The following ROPN1L variants were observed in gnomAD, a reference collection of about 807,000 sequenced individuals.
ROPN1L encodes the protein rhophilin associated tail protein 1 like, also known as ropporin-1-like protein.
A neutral mutation model predicts 22.7 loss-of-function variants in ROPN1L; 23 were observed. The observed-to-expected ratio is 1.01, with a 90% confidence interval of 0.73 to 1.43. The LOEUF (loss-of-function observed/expected upper bound fraction) is 1.43. ROPN1L is among the 40% of genes most tolerant of loss of function. ROPN1L has a pLI of 0.00. For missense variants in ROPN1L, 271 were observed against 291.5 expected, an observed-to-expected ratio of 0.93 and a Z score of 0.51; for synonymous variants, 116 against 117.8, an observed-to-expected ratio of 0.98 and a Z score of 0.10.
At chr5:10,478,867 G>T in the ROPN1L span, among the ~76,000 whole-genome samples, 1 of 152,150 alleles carries the variant, frequency 6.6e-6, no homozygotes, top group Non-Finnish European at 1.5e-5. Context: ...ACTTATCTCA[G>T]GAGCGGGAAA....
downstream of ROPN1L, among the ~76,000 whole-genome samples, chr5:10,476,795 A>G (rs1027036609): frequency 7.2e-5 from 11 of 152,384 alleles, no homozygotes; most frequent in African/African-American, 2.6e-4. Flanking sequence ...TAATGTATCT[A>G]ATTCTCACAA....
chr5:10,455,929 G>A (rs1361116716), intron 3 of ROPN1L, among the ~76,000 whole-genome samples: 1 of 148,664 alleles, frequency 6.7e-6, no homozygotes, highest in African/African-American at 2.5e-5. Context: ...TGCCTCAGAG[G>A]GGGACCTCCT....
chr5:10,465,806 C>T (rs1181173231), downstream of ROPN1L, among the ~76,000 whole-genome samples: 4 of 152,114 alleles, frequency 2.6e-5, no homozygotes, highest in Non-Finnish European at 5.9e-5. Flanking sequence ...GAGCCGAGAT[C>T]GCGCCACTGC....
At chr5:10,477,775 C>T in the ROPN1L span, among the ~76,000 whole-genome samples, 2 of 151,970 alleles carry the variant, frequency 1.3e-5, no homozygotes, top group African/African-American at 4.8e-5. Flanking sequence ...ACTAAAAATA[C>T]AAAAATTAGC....
chr5:10,462,259 G>A (rs79042067), intron 4 of ROPN1L, among the ~76,000 whole-genome samples: 4,722 of 152,298 alleles, frequency 0.031, 93 homozygotes, highest in Non-Finnish European at 0.045. Flanking sequence ...TGCCAGGAGC[G>A]GGGGTTGAAG....
At chr5:10,467,962 C>A (rs1182303179), downstream of ROPN1L, among the ~76,000 whole-genome samples, 1 of 152,216 alleles carries the variant, frequency 6.6e-6, no homozygotes, top group Non-Finnish European at 1.5e-5. Flanking sequence ...GCACCCAGGT[C>A]CCGTCCCCTG....
Position 10,465,017 on chromosome 5 carries a change from C to A in ROPN1L, c.*70C>A. The stretch of plus-strand genomic sequence containing the variant: ...ATTCTGGCACCAAATACAACTTACC[C>A]TGAATCACACACCTCTGTAGTGTGA... On this transcript the variant is annotated 3_prime_UTR_variant, in exon 5 of 5. Transcript: ENST00000274134. 2.4e-6 allele frequency: 2 copies of A among 835,340 alleles called. No homozygotes were observed. Among genetic ancestry groups the A allele is most frequent in the South Asian group, 3.4e-5 (2 of 58,468 alleles). The allele number at this position is 835,340 out of a possible 1,614,324, so 51.7% of individuals were successfully genotyped here.
intron 3 of ROPN1L, among the ~76,000 whole-genome samples, chr5:10,451,965 A>ATCT (rs1554029689): frequency 0.025 from 456 of 18,348 alleles, 3 homozygotes; most frequent in African/African-American, 0.04. Context: ...CTATCTATCT[A>ATCT]ATCTATCTAT....
chr5:10,476,201 C>CGT (rs1230886375), downstream of ROPN1L, among the ~76,000 whole-genome samples: 5 of 152,188 alleles, frequency 3.3e-5, no homozygotes, highest in African/African-American at 1.2e-4. Flanking sequence ...GAAGTGAGAG[C>CGT]GTGTTGAGGG....
the ROPN1L span, among the ~76,000 whole-genome samples, chr5:10,482,476 T>C: frequency 1.2e-3 from 184 of 152,208 alleles, 1 homozygote; most frequent in Non-Finnish European, 1.3e-3. Context: ...ATCAATGTCA[T>C]GTACATTTCT....
chr5:10,455,092 C>T (rs1262939304), intron 3 of ROPN1L, among the ~76,000 whole-genome samples: 1 of 152,218 alleles, frequency 6.6e-6, no homozygotes, highest in East Asian at 1.9e-4. Context: ...ACCTCGGCCT[C>T]CTCCTGACAA....
At chr5:10,448,981 C>T (rs1741168214) in intron 2 of ROPN1L, among the ~76,000 whole-genome samples, 1 of 152,242 alleles carries the variant, frequency 6.6e-6, no homozygotes, top group African/African-American at 2.4e-5. Flanking sequence ...GGTTCTTTTG[C>T]TAAAAGAGAC....
At chr5:10,469,884 G>T (rs1735218423), downstream of ROPN1L, among the ~76,000 whole-genome samples, 1 of 152,218 alleles carries the variant, frequency 6.6e-6, no homozygotes, top group African/African-American at 2.4e-5. Flanking sequence ...CAGGGCCAAT[G>T]ATTTGCTTTT....
At chr5:10,476,735 G>A (rs1735322599), downstream of ROPN1L, among the ~76,000 whole-genome samples, 6 of 152,234 alleles carry the variant, frequency 3.9e-5, no homozygotes, top group South Asian at 1.0e-3. Context: ...GAAAATAATC[G>A]AACCCATCAA....
At chr5:10,465,092 C>G, downstream of ROPN1L, 1 of 468,756 alleles carries the variant, frequency 2.1e-6, no homozygotes, top group Middle Eastern at 4.5e-4. Flanking sequence ...GGGCCTGATT[C>G]ATGATTGCTT....
At chr5:10,464,363 T>G (rs1579659696) in intron 4 of ROPN1L, among the ~76,000 whole-genome samples, 1 of 152,232 alleles carries the variant, frequency 6.6e-6, no homozygotes, top group East Asian at 1.9e-4. Flanking sequence ...CTCCTCCTGG[T>G]GCCCACAGCC....
downstream of ROPN1L, among the ~76,000 whole-genome samples, chr5:10,473,364 CA>C (rs1485315423): frequency 5.3e-5 from 8 of 152,136 alleles, no homozygotes; most frequent in African/African-American, 1.9e-4. Context: ...GAGTTTGAGA[CA>C]CCAATGCAGG....
downstream of ROPN1L, among the ~76,000 whole-genome samples, chr5:10,472,784 G>A (rs977573614): frequency 5.3e-5 from 8 of 152,170 alleles, no homozygotes; most frequent in African/African-American, 1.9e-4. Context: ...TCATAACCAT[G>A]TTATCAAGTG....
intron 1 of ROPN1L, among the ~76,000 whole-genome samples, chr5:10,447,458 G>A (rs1396547741): frequency 1.3e-5 from 2 of 152,230 alleles, no homozygotes; most frequent in African/African-American, 2.4e-5. Flanking sequence ...AGCCAGGCCA[G>A]CACCTGCCAT....
Sources: allele counts gnomAD v4.1 joint callset (sites outside exome capture counted in the v4.1 genomes callset), GRCh38; gene constraint gnomAD v4.1.1; transcripts MANE v1.5; gene names NCBI Gene and HGNC (gene_info 2026-07-23, HGNC 2026-07-21).